GSAP: variants seen among roughly 807,000 people sequenced by gnomAD.
GSAP encodes gamma-secretase-activating protein.
In GSAP, 118 loss-of-function variants were observed where a neutral mutation model predicts 131.7. The ratio of observed to expected loss-of-function variants is 0.90; its 90% confidence interval spans 0.77 to 1.04. The LOEUF is 1.04. GSAP is among the 50% of genes least tolerant of loss of function. The pLI, the probability that GSAP is intolerant of heterozygous loss-of-function variation, is 0.00. For missense variants in GSAP, 1,019 were observed against 1,013.2 expected, an observed-to-expected ratio of 1.01 and a Z score of -0.08; for synonymous variants, 381 against 363.4, an observed-to-expected ratio of 1.05 and a Z score of -0.55.
rs767357720 is a variant in GSAP at position 77,312,144 on chromosome 7, G to A, written c.2330C>T (p.Ser777Leu). ...WDHPMSSNII[S>L]RNHVTRLLQN... ...AAGCAGTCGCGTCACGTGGTTCCGC[G>A]AAATGATGTTAGAACTCATAGGATG... The change falls in exon 29 of 31, where the codon TCG (serine) becomes TTG (leucine). Residue 777 changes from serine to leucine, a missense_variant. Physicochemically the swap from Ser to Leu is moderately radical, Grantham distance 145 (BLOSUM62 -2). Coordinates refer to ENST00000257626, the MANE Select transcript of GSAP (RefSeq NM_017439.4). The A allele has an allele frequency of 8.7e-6, 14 of 1,604,788 alleles. No individual in the cohort carries two copies. The highest frequency in any genetic ancestry group is 1.7e-4 in the Middle Eastern group (1 of 6,050).
At chr7:77,319,296 A>G (rs1232084508) in intron 26 of GSAP, among the ~76,000 whole-genome samples, 1 of 152,224 alleles carries the variant, frequency 6.6e-6, no homozygotes, top group African/African-American at 2.4e-5. Flanking sequence ...ATGTGAAAAT[A>G]TGCTCGACAT....
chr7:77,348,907 A>G (rs757696657), intron 19 of GSAP, among the ~76,000 whole-genome samples: 1 of 152,184 alleles, frequency 6.6e-6, no homozygotes, highest in Non-Finnish European at 1.5e-5. Flanking sequence ...CCTAGCCCAC[A>G]TTACTTAATG....
chr7:77,399,836 T>C (rs1316310106), intron 3 of GSAP, among the ~76,000 whole-genome samples: 1 of 152,120 alleles, frequency 6.6e-6, no homozygotes, highest in Non-Finnish European at 1.5e-5. Context: ...GGCAGCAGAC[T>C]CTTTAGGGAC....
intron 8 of GSAP, among the ~76,000 whole-genome samples, chr7:77,379,109 T>C (rs1797410698): frequency 6.6e-6 from 1 of 152,106 alleles, no homozygotes; most frequent in South Asian, 2.1e-4. Context: ...TCTCTAAACC[T>C]TGGACAATCA....
chr7:77,321,791 A>AG (rs1270812841), intron 24 of GSAP, among the ~76,000 whole-genome samples: 1 of 152,162 alleles, frequency 6.6e-6, no homozygotes, highest in East Asian at 1.9e-4. Flanking sequence ...CACAGAATGG[A>AG]GGTCATGATC....
intron 8 of GSAP, among the ~76,000 whole-genome samples, chr7:77,379,561 G>T (rs1484962590): frequency 6.6e-6 from 1 of 152,042 alleles, no homozygotes; most frequent in Non-Finnish European, 1.5e-5. Context: ...ACTCTTCCCA[G>T]TGTGTGTCTG....
chr7:77,409,768 A>G (rs763616551), intron 1 of GSAP, among the ~76,000 whole-genome samples: 6 of 152,250 alleles, frequency 3.9e-5, no homozygotes, highest in Non-Finnish European at 7.3e-5. Flanking sequence ...CTTCACAAGA[A>G]ATCTTGCTAA....
chr7:77,328,699 A>C, intron 21 of GSAP, 62 bp from the exon 22 acceptor site: 1 of 987,502 alleles, frequency 1.0e-6, no homozygotes, highest in Non-Finnish European at 1.6e-6. Flanking sequence ...TTAAAGCCAC[A>C]TCATACAAAG....
At chr7:77,353,164 ATG>A in intron 17 of GSAP, 138 bp from the exon 18 acceptor site, 3 of 606,676 alleles carry the variant, frequency 4.9e-6, no homozygotes, top group Non-Finnish European at 5.9e-6. Flanking sequence ...GGTAACCATC[ATG>A]ATTTTATCTA....
At chr7:77,386,065 C>A (rs995923400) in intron 6 of GSAP, among the ~76,000 whole-genome samples, 12 of 151,394 alleles carry the variant, frequency 7.9e-5, no homozygotes, top group Non-Finnish European at 7.4e-5. Context: ...TAGGGAAATA[C>A]AAAGGGAGTT....
At chr7:77,406,226 A>G in intron 1 of GSAP, 121 bp from the exon 2 acceptor site, 1 of 434,070 alleles carries the variant, frequency 2.3e-6, no homozygotes, top group Non-Finnish European at 3.3e-6. Context: ...ATAAAACTTA[A>G]AAACAGGCAA....
chr7:77,365,426 C>CTT (rs879349735), intron 12 of GSAP, among the ~76,000 whole-genome samples: 17 of 152,116 alleles, frequency 1.1e-4, no homozygotes, highest in Admixed American at 8.5e-4. Context: ...CTGTTGTTCC[C>CTT]TTGTGTTCAG....
chr7:77,379,593 G>A (rs1797484264), intron 8 of GSAP, among the ~76,000 whole-genome samples: 1 of 151,700 alleles, frequency 6.6e-6, no homozygotes, highest in South Asian at 2.1e-4. Context: ...CTCTCTTTTT[G>A]CTCTCAAGCC....
intron 13 of GSAP, among the ~76,000 whole-genome samples, chr7:77,361,472 T>C (rs1794513207): frequency 6.6e-6 from 1 of 152,298 alleles, no homozygotes; most frequent in African/African-American, 2.4e-5. Flanking sequence ...CTCAAACTTA[T>C]ACAACTTAAG....
chr7:77,400,716 C>T lies in GSAP; in HGVS notation c.244-3301G>A, dbSNP rs546261631. On this transcript the variant is annotated intron_variant, in intron 3 of 30. Coordinates refer to ENST00000257626, the MANE Select transcript of GSAP (RefSeq NM_017439.4). ...TACAATAGAAAACCTCATGTCATAC[C>T]AAAAACCAGGAAGATCTCAAACTGA... Among the ~76,000 whole-genome samples the T allele has an allele frequency of 1.3e-4, 20 of 152,186 alleles. No homozygotes were observed. In the South Asian group the frequency reaches 4.2e-3, roughly 32 times the overall value.
chr7:77,321,458 C>G, intron 24 of GSAP, 55 bp from the exon 25 acceptor site: 1 of 1,128,064 alleles, frequency 8.9e-7, no homozygotes, highest in South Asian at 1.2e-5. Flanking sequence ...CTCAAGGGCC[C>G]CACAGCTAGG....
At chr7:77,337,667 G>GT (rs1283598449) in intron 19 of GSAP, among the ~76,000 whole-genome samples, 1 of 152,120 alleles carries the variant, frequency 6.6e-6, no homozygotes, top group Non-Finnish European at 1.5e-5. Context: ...TCTGAGTCAG[G>GT]TAATCAACAA....
intron 24 of GSAP, among the ~76,000 whole-genome samples, chr7:77,322,687 A>G (rs183939099): frequency 9.1e-4 from 138 of 151,234 alleles, no homozygotes; most frequent in African/African-American, 3.1e-3. Flanking sequence ...TGAGAAGGAG[A>G]CTTAAGAAAG....
intron 26 of GSAP, chr7:77,315,218 C>T (rs1381951163): frequency 6.6e-6 from 1 of 152,220 alleles, no homozygotes; most frequent in African/African-American, 2.4e-5. Context: ...AGATGCAATT[C>T]CTATCAGTGG....
Sources: gnomAD v4.1 joint callset for allele counts (sites outside exome capture counted in the v4.1 genomes callset) on GRCh38, gnomAD v4.1.1 for gene constraint, MANE v1.5 for transcripts, NCBI Gene and HGNC (gene_info 2026-07-23, HGNC 2026-07-21) for gene names.